MLPH: variants seen among roughly 807,000 people sequenced by gnomAD.
The protein encoded by MLPH is melanophilin.
MLPH carries 51 observed loss-of-function variants against 72.1 expected under a neutral mutation model. The ratio of observed to expected loss-of-function variants is 0.71; its 90% confidence interval spans 0.56 to 0.89. The LOEUF (loss-of-function observed/expected upper bound fraction) is 0.89, where lower values mean the gene tolerates loss of function less well. Ranked by LOEUF, MLPH falls within the 40% of genes least tolerant of loss-of-function variation. The probability of loss-of-function intolerance (pLI) is 0.00; values close to 1 mark genes in which losing one functional copy is unlikely to be tolerated. For synonymous variants in MLPH, 301 were observed against 310.1 expected, an observed-to-expected ratio of 0.97 and a Z score of 0.31; for missense variants, 743 against 759.9, an observed-to-expected ratio of 0.98 and a Z score of 0.26.
At chr2:237,533,953 C>T (rs557252915) in intron 8 of MLPH, among the ~76,000 whole-genome samples, 3 of 152,214 alleles carry the variant, frequency 2.0e-5, no homozygotes, top group East Asian at 3.9e-4. Flanking sequence ...CCAGGTGAGC[C>T]GTAAATGAGA....
intron 6 of MLPH, among the ~76,000 whole-genome samples, chr2:237,522,798 AAT>A (rs1187411044): frequency 6.6e-6 from 1 of 152,278 alleles, no homozygotes; most frequent in African/African-American, 2.4e-5. Context: ...GTCTGGAATA[AAT>A]ATGTGTTGAC....
chr2:237,487,064 C>G (rs2079329556), upstream of MLPH: 1 of 152,286 alleles, frequency 6.6e-6, no homozygotes, highest in South Asian at 2.1e-4. Flanking sequence ...TCTTTCTCCC[C>G]AAACTGGCTT....
intron 1 of MLPH, among the ~76,000 whole-genome samples, chr2:237,488,109 A>G (rs2079355922): frequency 6.6e-6 from 1 of 152,160 alleles, no homozygotes; most frequent in Non-Finnish European, 1.5e-5. Flanking sequence ...TCCCACTGAC[A>G]TTAACTGGCA....
chr2:237,547,705 C>A (rs73999107), intron 13 of MLPH, among the ~76,000 whole-genome samples: 4 of 98,076 alleles, frequency 4.1e-5, no homozygotes, highest in African/African-American at 2.1e-4. Flanking sequence ...AGGAGCTCCC[C>A]GTGTTTAGGT....
At chr2:237,515,012 A>G (rs1263407681) in intron 4 of MLPH, among the ~76,000 whole-genome samples, 1 of 152,234 alleles carries the variant, frequency 6.6e-6, no homozygotes, top group Non-Finnish European at 1.5e-5. Flanking sequence ...TCCGTCGTTC[A>G]GATTTCCAGT....
chr2:237,548,839 A>C (rs1028923120), intron 13 of MLPH, among the ~76,000 whole-genome samples: 3 of 152,238 alleles, frequency 2.0e-5, no homozygotes, highest in African/African-American at 2.4e-5. Context: ...CGATCGCACC[A>C]CTGCACTCCA....
intron 7 of MLPH, among the ~76,000 whole-genome samples, chr2:237,526,360 G>A (rs1016107113): frequency 6.0e-4 from 92 of 152,258 alleles, no homozygotes; most frequent in East Asian, 3.9e-4. Flanking sequence ...GAGCAAGTAA[G>A]ATCACAGCAG....
chr2:237,534,467 C>G (rs2080489779), intron 8 of MLPH, 97 bp from the exon 9 acceptor site: 1 of 1,012,972 alleles, frequency 9.9e-7, no homozygotes, highest in South Asian at 1.3e-5. Flanking sequence ...CCTTCCGCTT[C>G]TTGGGAATTT....
Position 237,493,405 on chromosome 2 carries a change from G to A in MLPH, c.-22G>A. On this transcript the variant is annotated splice_region_variant and 5_prime_UTR_variant, in exon 2 of 16. In the 5' UTR this introduces an upstream ATG that the reference lacks. Transcript: ENST00000264605. ...CTTGTGATCCTGTGACATTCCAGGT[G>A]TGACCCCGACAAGAAGCAGAAATGG... 1 of 1,592,908 alleles carries A rather than the reference G, an allele frequency of 6.3e-7. No individual in the cohort carries two copies. Among genetic ancestry groups the A allele is most frequent in the Non-Finnish European group, 8.6e-7 (1 of 1,160,850 alleles).
At chr2:237,538,852 A>G (rs998555149) in intron 9 of MLPH, among the ~76,000 whole-genome samples, 3 of 152,360 alleles carry the variant, frequency 2.0e-5, no homozygotes, top group Non-Finnish European at 4.4e-5. Flanking sequence ...TCAAGGCAGA[A>G]GGTCCCTGGG....
chr2:237,544,484 TGGG>T (rs1301123913), intron 12 of MLPH, among the ~76,000 whole-genome samples: 1 of 24,008 alleles, frequency 4.2e-5, no homozygotes, highest in Non-Finnish European at 7.6e-5. Flanking sequence ...CAGTGGTGAG[TGGG>T]GGGGACAGTG....
At chr2:237,508,421 T>C (rs1387677120) in intron 2 of MLPH, among the ~76,000 whole-genome samples, 1 of 152,204 alleles carries the variant, frequency 6.6e-6, no homozygotes, top group East Asian at 1.9e-4. Context: ...TCATTTCTTT[T>C]TCAATGAAGG....
At chr2:237,526,924 T>G (rs904577393) in intron 7 of MLPH, among the ~76,000 whole-genome samples, 8 of 152,208 alleles carry the variant, frequency 5.3e-5, no homozygotes, top group Non-Finnish European at 8.8e-5. Flanking sequence ...CACCTCAGTT[T>G]CCTCATTGTA....
rs113169138 is a variant in MLPH at position 237,527,488 on chromosome 2, G to T, written c.992G>T (p.Arg331Leu). 7 of 1,614,078 alleles carry T rather than the reference G, an allele frequency of 4.3e-6. No homozygotes were observed. The Admixed American group carries it at 1.0e-4, about 23-fold the overall frequency. ...AHVMASHHSK[R>L]RGRASSESQI... ...GTGATGGCCTCCCACCATTCCAAGCGGAGAGGCCGGGCGTCTTCTGAGAGT... is the reference window on the plus strand; with the variant it reads ...GTGATGGCCTCCCACCATTCCAAGCTGAGAGGCCGGGCGTCTTCTGAGAGT... Residue 331 changes from arginine (R) to leucine (L), a missense_variant, in exon 8 of 16, where the codon CGG (arginine) becomes CTG (leucine). By Grantham distance (102) the Arg-to-Leu change is moderately radical. Transcript: ENST00000264605.
chr2:237,550,198 A>G (rs2081003497), intron 14 of MLPH, among the ~76,000 whole-genome samples: 2 of 152,130 alleles, frequency 1.3e-5, no homozygotes, highest in South Asian at 2.1e-4. Flanking sequence ...CTCCAGGGCC[A>G]AGTATGAAGC....
intron 6 of MLPH, 56 bp from the exon 7 acceptor site, chr2:237,525,545 G>T: frequency 6.3e-7 from 1 of 1,581,338 alleles, no homozygotes; most frequent in Non-Finnish European, 8.7e-7. Flanking sequence ...CACATTCCAG[G>T]CAGCGGCCCC....
At chr2:237,524,305 A>ATATATATATATATATATATATATC (rs1285064721) in intron 6 of MLPH, among the ~76,000 whole-genome samples, 1 of 142,292 alleles carries the variant, frequency 7.0e-6, no homozygotes, top group African/African-American at 2.9e-5. Context: ...CTAATAGAAT[A>ATATATATATATATATATATATATC]TATATATATA....
intron 6 of MLPH, among the ~76,000 whole-genome samples, chr2:237,524,764 C>A (rs375242467): frequency 1.9e-5 from 2 of 106,190 alleles, no homozygotes; most frequent in African/African-American, 8.2e-5. Flanking sequence ...GGGCACAGAG[C>A]CAGGCCCAGG....
rs1378782001 is a variant in MLPH, at chr2:237,525,785, T to C, written c.860T>C (p.Leu287Pro). 1 of 1,613,040 alleles carries C rather than the reference T, an allele frequency of 6.2e-7. No homozygotes were observed. The highest frequency in any genetic ancestry group is 8.5e-7 in the Non-Finnish European group (1 of 1,180,016). The part of the protein sequence containing the change: ...CPPGGSHRMA[L>P]GTAAALGSNV... Reference sequence around the variant, plus strand: ...CCTGGAGGCTCCCACAGGATGGCCCTGGGGACTGCTGCTGCACTCGGTAGG... The same window carrying C: ...CCTGGAGGCTCCCACAGGATGGCCCCGGGGACTGCTGCTGCACTCGGTAGG... Residue 287 changes from leucine to proline, a missense_variant, in exon 7 of 16, where the codon CTG becomes CCG. By Grantham distance (98) the Leu-to-Pro change is moderately conservative (BLOSUM62 -3). Transcript: ENST00000264605.
Sources: allele counts gnomAD v4.1 joint callset (sites outside exome capture counted in the v4.1 genomes callset), GRCh38; gene constraint gnomAD v4.1.1; transcripts MANE v1.5; gene names NCBI Gene and HGNC (gene_info 2026-07-23, HGNC 2026-07-21).